HTR1F: variants seen among roughly 807,000 people sequenced by gnomAD.
HTR1F encodes the protein 5-hydroxytryptamine (serotonin) receptor 1F, G protein-coupled.
Under a neutral mutation model 24.0 loss-of-function variants are expected in HTR1F, and 17 were observed. That is an observed-to-expected ratio of 0.71 (90% confidence interval 0.48 to 1.06). The LOEUF (loss-of-function observed/expected upper bound fraction) is 1.06, where lower values mean the gene tolerates loss of function less well. HTR1F is among the 50% of genes least tolerant of loss of function. The probability of loss-of-function intolerance (pLI) is 0.00; values close to 1 mark genes in which losing one functional copy is unlikely to be tolerated. For missense variants in HTR1F, 391 were observed against 427.8 expected (o/e 0.91, Z 0.76); for synonymous variants, 186 against 156.8 (o/e 1.19, Z -1.39).
chr3:87,855,861 C>A (rs948538759), intron 2 of HTR1F, among the ~76,000 whole-genome samples: 1 of 152,008 alleles, frequency 6.6e-6, no homozygotes, highest in East Asian at 1.9e-4. Flanking sequence ...TAGTCACAAA[C>A]CCTCTCAGTA....
At chr3:87,846,011 A>G (rs1704932577) in intron 2 of HTR1F, among the ~76,000 whole-genome samples, 1 of 152,050 alleles carries the variant, frequency 6.6e-6, no homozygotes, top group Middle Eastern at 3.4e-3. Context: ...CACACTCACT[A>G]TGTGCTAGCC....
At chr3:87,865,044 T>G (rs1476757864) in intron 2 of HTR1F, among the ~76,000 whole-genome samples, 1 of 152,208 alleles carries the variant, frequency 6.6e-6, no homozygotes, top group Non-Finnish European at 1.5e-5. Flanking sequence ...AGTTTTGTCT[T>G]TCTTCAAAGA....
At chr3:87,935,951 A>G (rs1704405053) in intron 2 of HTR1F, among the ~76,000 whole-genome samples, 1 of 152,062 alleles carries the variant, frequency 6.6e-6, no homozygotes, top group Non-Finnish European at 1.5e-5. Flanking sequence ...TCTGGGTTCA[A>G]GCGATCCTCC....
At chr3:87,798,173 C>G (rs979096873) in intron 1 of HTR1F, among the ~76,000 whole-genome samples, 1 of 152,132 alleles carries the variant, frequency 6.6e-6, no homozygotes, top group African/African-American at 2.4e-5. Flanking sequence ...AGTTTCCCAC[C>G]TGCTCCAAAC....
chr3:87,850,514 G>A (rs532281943), intron 2 of HTR1F, among the ~76,000 whole-genome samples: 2 of 151,818 alleles, frequency 1.3e-5, no homozygotes, highest in South Asian at 2.1e-4. Flanking sequence ...TGTAAATGAC[G>A]AGTTAATGGG....
rs57368229 is a variant in HTR1F at position 87,794,982 on chromosome 3, C to CT, written c.-160+2168dup. 8.8e-3 allele frequency among the ~76,000 whole-genome samples: 791 copies of CT among 90,352 alleles called. 132 individuals carry two copies. The highest frequency in any genetic ancestry group is 0.027 in the African/African-American group (587 of 22,124). The allele number at this position is 90,352 out of a possible 152,430, so 59.3% of individuals were successfully genotyped here. ...CAAAGACTTTCAAAATTATGACTGA[C>CT]TTTTTTTTTTTTTTTTTTTTTTTTT... On this transcript the variant is annotated intron_variant, in intron 1 of 2. Transcript: ENST00000319595.
intron 1 of HTR1F, among the ~76,000 whole-genome samples, chr3:87,795,655 C>G (rs1174535448): frequency 6.6e-6 from 1 of 152,114 alleles, no homozygotes; most frequent in Non-Finnish European, 1.5e-5. Context: ...CCACAGTTCC[C>G]GTGCCCTGTA....
chr3:87,892,960 A>G (rs920301917), intron 2 of HTR1F, among the ~76,000 whole-genome samples: 1 of 152,088 alleles, frequency 6.6e-6, no homozygotes, highest in Non-Finnish European at 1.5e-5. Flanking sequence ...AAGGGAACTA[A>G]CATACCAAAA....
At chr3:87,907,214 T>C (rs953040970) in intron 2 of HTR1F, among the ~76,000 whole-genome samples, 3 of 151,680 alleles carry the variant, frequency 2.0e-5, no homozygotes, top group Admixed American at 2.0e-4. Context: ...TTTTTGATTA[T>C]TGGTCATTCT....
intron 1 of HTR1F, among the ~76,000 whole-genome samples, chr3:87,809,867 TAA>T (rs1704131913): frequency 6.6e-6 from 1 of 152,218 alleles, no homozygotes; most frequent in African/African-American, 2.4e-5. Context: ...TAAGTTTGCC[TAA>T]AGTTTGTGGG....
At chr3:87,897,995 T>C (rs557425802) in intron 2 of HTR1F, among the ~76,000 whole-genome samples, 2 of 152,056 alleles carry the variant, frequency 1.3e-5, no homozygotes, top group East Asian at 1.9e-4. Context: ...AATTAGTTGA[T>C]GAATGAACAA....
intron 2 of HTR1F, among the ~76,000 whole-genome samples, chr3:87,946,132 G>C (rs1397887915): frequency 6.6e-6 from 1 of 152,204 alleles, no homozygotes; most frequent in Non-Finnish European, 1.5e-5. Flanking sequence ...ACAATGGCAA[G>C]CCTTTAGCCC....
intron 2 of HTR1F, among the ~76,000 whole-genome samples, chr3:87,878,634 T>G (rs1705721870): frequency 6.6e-6 from 1 of 152,078 alleles, no homozygotes; most frequent in South Asian, 2.1e-4. Context: ...GATCTTGCTC[T>G]TTGTAAGTAT....
intron 2 of HTR1F, among the ~76,000 whole-genome samples, chr3:87,848,253 T>A (rs1704992340): frequency 6.6e-6 from 1 of 151,920 alleles, no homozygotes; most frequent in Non-Finnish European, 1.5e-5. Context: ...GATTTGCATT[T>A]CCCTGGAGAT....
chr3:87,937,872 C>T (rs1192978228), intron 2 of HTR1F, among the ~76,000 whole-genome samples: 1 of 149,644 alleles, frequency 6.7e-6, no homozygotes, highest in Non-Finnish European at 1.5e-5. Context: ...TGCAGTGAGC[C>T]GAGATCGTGC....
At chr3:87,985,244 C>T (rs749861920) in intron 2 of HTR1F, among the ~76,000 whole-genome samples, 7 of 151,696 alleles carry the variant, frequency 4.6e-5, no homozygotes, top group African/African-American at 1.2e-4. Context: ...CTGAGGCTGA[C>T]GAATCGCTTG....
chr3:87,945,746 G>A (rs1704683391), intron 2 of HTR1F, among the ~76,000 whole-genome samples: 1 of 152,134 alleles, frequency 6.6e-6, no homozygotes, highest in African/African-American at 2.4e-5. Context: ...CTGGCTGAAG[G>A]GTGCCCGATA....
intron 2 of HTR1F, among the ~76,000 whole-genome samples, chr3:87,982,059 AT>A: frequency 6.6e-6 from 1 of 151,996 alleles, no homozygotes; most frequent in Non-Finnish European, 1.5e-5. Flanking sequence ...AGTAGCTGGG[AT>A]TACAGGCAAC....
intron 2 of HTR1F, among the ~76,000 whole-genome samples, chr3:87,871,783 G>A (rs1705564040): frequency 6.6e-6 from 1 of 152,130 alleles, no homozygotes; most frequent in East Asian, 1.9e-4. Flanking sequence ...TTGAATGGAA[G>A]GGAAAATAGG....
Sources: allele counts gnomAD v4.1 joint callset (sites outside exome capture counted in the v4.1 genomes callset), GRCh38; gene constraint gnomAD v4.1.1; transcripts MANE v1.5; gene names NCBI Gene and HGNC (gene_info 2026-07-23, HGNC 2026-07-21).